The following PRKDC variants were observed in gnomAD, a reference collection of about 807,000 sequenced individuals.
The protein encoded by PRKDC is DNA-dependent protein kinase catalytic subunit.
Under a neutral mutation model 486.9 loss-of-function variants are expected in PRKDC, and 82 were observed. The ratio of observed to expected loss-of-function variants is 0.17; its 90% CI spans 0.14 to 0.20. PRKDC has a LOEUF of 0.20. PRKDC is among the 10% of genes least tolerant of loss of function. The pLI is 1.00. For missense variants in PRKDC, 4,504 were observed against 5,038.2 expected (o/e 0.89, Z 3.21); for synonymous variants, 1,895 against 1,837.0 (o/e 1.03, Z -0.81).
intron 47 of PRKDC, 21 bp downstream of exon 47, chr8:47,858,828 T>C: frequency 6.2e-7 from 1 of 1,610,142 alleles, no homozygotes; most frequent in Non-Finnish European, 8.5e-7. Context: ...TATTAACAGG[T>C]AAGATGAGTG....
intron 7 of PRKDC, among the ~76,000 whole-genome samples, chr8:47,945,158 C>T (rs566713357): frequency 6.6e-6 from 1 of 152,328 alleles, no homozygotes; most frequent in South Asian, 2.1e-4. Context: ...CAGACTTCTC[C>T]AGGCTCTGCC....
In PRKDC at chr8:47,821,645, G is replaced by T. The variant is rs905751463; in HGVS notation, c.9070C>A (p.Pro3024Thr). The T allele has an allele frequency of 1.9e-6, 3 of 1,602,518 alleles. No homozygotes were observed. The highest frequency in any genetic ancestry group is 2.6e-6 in the Non-Finnish European group (3 of 1,173,600). ...CTCCAGATTTTATTTAGGTCTGGGG[G>T]GTTCTCACTGTCTATACTGGCTGTA... ...CSTASIDSEN[P>T]PDLNKIWSEP... The change falls in exon 65 of 86, where the codon CCC becomes ACC. Residue 3024 changes from proline to threonine, a missense_variant. This residue lies in a region of PRKDC where 1,592 missense variants were observed against 1,724.6 expected (regional missense o/e 0.92). Transcript: ENST00000314191.
At position 47,855,245 on chromosome 8, in the gene PRKDC, C is replaced by A. The variant is rs758365946; in HGVS notation, c.6738G>T (p.Lys2246Asn). ...EIIKTLVECW[K>N]DCLSIPYRLI... ...ACCTATAAGGGATGGATAAACAATCCTTCCAGCACTCGACAAGGGTCTTTA... is the reference window on the plus strand; with the variant it reads ...ACCTATAAGGGATGGATAAACAATCATTCCAGCACTCGACAAGGGTCTTTA... The change falls in exon 50 of 86, where the codon AAG becomes AAT. Residue 2246 changes from lysine to asparagine, a missense_variant. Transcript: ENST00000314191. The A allele has an allele frequency of 1.2e-6, 2 of 1,603,708 alleles. No homozygotes were observed.
At chr8:47,836,168 GTT>G (rs1248814651) in intron 58 of PRKDC, among the ~76,000 whole-genome samples, 168 bp downstream of exon 58, 1 of 152,172 alleles carries the variant, frequency 6.6e-6, no homozygotes, top group African/African-American at 2.4e-5. Flanking sequence ...GTTTCCATGA[GTT>G]TGACTGTTAT....
At position 47,928,211 on chromosome 8, in the gene PRKDC, A is replaced by G. The variant is rs541250283; in HGVS notation, c.2140-321T>C. 1.3e-3 allele frequency among the ~76,000 whole-genome samples: 183 copies of G among 144,866 alleles called. 1 individual carries two copies. The Middle Eastern group carries it at 0.019, about 15-fold the overall frequency. The stretch of plus-strand genomic sequence containing the variant: ...CGTGCTGTCAGCCAGGCTGGAGTGC[A>G]TGGTGCAATCTCGGCTCACTGCAAC... On this transcript the variant is annotated intron_variant, in intron 19 of 85. Transcript: ENST00000314191.
At chr8:47,821,181 T>C (rs1354396099) in intron 65 of PRKDC, among the ~76,000 whole-genome samples, 3 of 152,164 alleles carry the variant, frequency 2.0e-5, no homozygotes, top group Admixed American at 6.5e-5. Context: ...GGAACTACTT[T>C]TGGCTGGAAG....
At position 47,904,855 on chromosome 8, in the gene PRKDC, C is replaced by A. The variant is rs963551720; in HGVS notation, c.3042+14G>T. The A allele has an allele frequency of 1.0e-5, 15 of 1,502,586 alleles. No individual in the cohort carries two copies. The highest frequency in any genetic ancestry group is 1.4e-5 in the Non-Finnish European group (15 of 1,086,196). The allele number at this position is 1,502,586 out of a possible 1,614,324, so 93.1% of individuals were successfully genotyped here. A position where few individuals can be genotyped will look rare whatever the true frequency, so the allele number is the denominator to read the frequency against. On this transcript the variant is annotated intron_variant, in intron 26 of 85. Coordinates refer to ENST00000314191, the MANE Select transcript of PRKDC (RefSeq NM_006904.7). ...TCGATGGGAGTAAGAGGAAAAGAAT[C>A]AACTATTACTTACCAATATAGCTTC...
rs1285462852 is a variant in PRKDC at position 47,897,144 on chromosome 8, T to C, written c.3598+17A>G. ...TAAAGCACCGTGGTGAAATTAAAGA[T>C]ATACAGATTACCATACCTGGCAATA... On this transcript the variant is annotated intron_variant, in intron 30 of 85. Coordinates refer to ENST00000314191, the MANE Select transcript of PRKDC (RefSeq NM_006904.7). 1.3e-6 allele frequency: 2 copies of C among 1,576,176 alleles called. No individual in the cohort carries two copies. Among genetic ancestry groups the C allele is most frequent in the South Asian group, 2.3e-5 (2 of 87,878 alleles).
chr8:47,948,390 G>A (rs1489826768), intron 7 of PRKDC, among the ~76,000 whole-genome samples: 1 of 151,184 alleles, frequency 6.6e-6, no homozygotes, highest in African/African-American at 2.4e-5. Flanking sequence ...TTACAGGCGG[G>A]AGCCACCTTG....
chr8:47,815,789 C>T (rs1239618158), intron 68 of PRKDC, among the ~76,000 whole-genome samples: 1 of 152,216 alleles, frequency 6.6e-6, no homozygotes, highest in Non-Finnish European at 1.5e-5. Flanking sequence ...ATGTGAAATA[C>T]AGAGGGATAA....
chr8:47,931,507 T>C (rs1292365356), intron 16 of PRKDC, among the ~76,000 whole-genome samples: 4 of 152,112 alleles, frequency 2.6e-5, no homozygotes, highest in African/African-American at 9.7e-5. Context: ...TTTTTTTTTT[T>C]TTTAATAAAA....
rs571919376 is a variant in PRKDC at position 47,892,675 on chromosome 8, A to G, written c.3847+464T>C. Among the ~76,000 whole-genome samples, 9 of 152,280 alleles carry G rather than the reference A, an allele frequency of 5.9e-5. No individual in the cohort carries two copies. In the South Asian group the frequency reaches 1.9e-3, roughly 32 times the overall value. ...ACATCTTTTCATTAAAAAGACGTAGATAGGGATATAGTAAAATCTTAAGCA... is the reference window on the plus strand; with the variant it reads ...ACATCTTTTCATTAAAAAGACGTAGGTAGGGATATAGTAAAATCTTAAGCA... On this transcript the variant is annotated intron_variant, in intron 31 of 85. Transcript: ENST00000314191.
In PRKDC at chr8:47,939,677, T is replaced by G. The variant is rs780245163; in HGVS notation, c.987A>C (p.Lys329Asn). 6.2e-7 allele frequency: 1 copy of G among 1,603,530 alleles called. No homozygotes were observed. The highest frequency in any genetic ancestry group is 2.2e-5 in the East Asian group (1 of 44,788). The change falls in exon 11 of 86, where the codon AAA (lysine) becomes AAC (asparagine). Residue 329 changes from lysine (K) to asparagine (N), a missense_variant. By Grantham distance (94) the Lys-to-Asn change is moderately conservative (BLOSUM62 0). Coordinates refer to ENST00000314191, the MANE Select transcript of PRKDC (RefSeq NM_006904.7). ...FLKQVSNMVA[K>N]NAEMHKNKLQ... ...GTTTATTTTTATGCATTTCTGCATT[T>G]TTCGCCACCATATTAGAAACCTGCA...
In PRKDC at chr8:47,807,144, C is replaced by T. The variant is rs770622309; in HGVS notation, c.9740G>A (p.Arg3247Gln). 1.1e-5 allele frequency: 17 copies of T among 1,613,242 alleles called. No individual in the cohort carries two copies. The highest frequency in any genetic ancestry group is 6.7e-5 in the African/African-American group (5 of 74,920). ...SMKMKMIDSARKQNNFSLAMK... is the reference protein window; with the variant it reads ...SMKMKMIDSAQKQNNFSLAMK... ...ACAGACACGAGTACCCACCTGCTTC[C>T]GGGCACTGTCTATCATCTTCATTTT... The change falls in exon 69 of 86, where the codon CGG becomes CAG. Residue 3247 changes from arginine (R) to glutamine (Q), a missense_variant. Physicochemically the swap from Arg to Gln is conservative, Grantham distance 43. Transcript: ENST00000314191.
chr8:47,884,345 G>A (rs1407717805), intron 36 of PRKDC, among the ~76,000 whole-genome samples: 1 of 152,218 alleles, frequency 6.6e-6, no homozygotes, highest in African/African-American at 2.4e-5. Context: ...GGCTCAGCAC[G>A]TGTGGACCCC....
rs144167995 is a variant in PRKDC at position 47,833,953 on chromosome 8, T to A, written c.8152+243A>T. On this transcript the variant is annotated intron_variant, in intron 59 of 85. Transcript: ENST00000314191. ...ACCCCTTTATAAATGCCTCACCCAC[T>A]CTTACTGCTCCAGAAGATCACTCAA... Among the ~76,000 whole-genome samples the A allele has an allele frequency of 2.8e-4, 43 of 152,302 alleles. No individual in the cohort carries two copies. The East Asian group carries it at 7.7e-3, about 27-fold the overall frequency.
chr8:47,915,257 T>C (rs941633960), intron 23 of PRKDC, 71 bp downstream of exon 23: 1 of 831,268 alleles, frequency 1.2e-6, no homozygotes. Context: ...CAGAATATAT[T>C]ATGACCTGGA....
chr8:47,796,288 G>A (rs1280283634), intron 73 of PRKDC, among the ~76,000 whole-genome samples: 4 of 151,382 alleles, frequency 2.6e-5, no homozygotes, highest in Admixed American at 1.3e-4. Context: ...CTGTCGAGCC[G>A]AGATCACGCC....
At chr8:47,903,650 G>A (rs1053047422) in intron 26 of PRKDC, among the ~76,000 whole-genome samples, 1 of 152,240 alleles carries the variant, frequency 6.6e-6, no homozygotes, top group South Asian at 2.1e-4. Flanking sequence ...CCGTGCTACC[G>A]AGTTCATGCT....
Sources: allele counts gnomAD v4.1 joint callset (sites outside exome capture counted in the v4.1 genomes callset), GRCh38; gene constraint gnomAD v4.1.1; regional missense constraint gnomAD v4.1.1; transcripts MANE v1.5; gene names NCBI Gene and HGNC (gene_info 2026-07-23, HGNC 2026-07-21).